UGT1A7: variants seen among roughly 807,000 people sequenced by gnomAD.
UGT1A7 encodes UDP-glucuronosyltransferase 1A7.
In UGT1A7, 33 loss-of-function variants were observed where a neutral mutation model predicts 45.6. The ratio of observed to expected loss-of-function variants is 0.72; its 90% CI spans 0.55 to 0.97. The LOEUF is 0.97. UGT1A7 is among the 50% of genes least tolerant of loss of function. The pLI is 0.00. For missense variants in UGT1A7, 684 were observed against 666.2 expected (o/e 1.03, Z -0.29); for synonymous variants, 274 against 250.6 (o/e 1.09, Z -0.88).
chr2:233,685,959 A>G (rs1156258661), intron 1 of UGT1A7, among the ~76,000 whole-genome samples: 2 of 152,198 alleles, frequency 1.3e-5, no homozygotes, highest in Non-Finnish European at 2.9e-5. Flanking sequence ...TATGTAGATC[A>G]ATGGAATAGA....
chr2:233,743,424 A>G, intron 1 of UGT1A7: 2 of 1,346,302 alleles, frequency 1.5e-6, no homozygotes, highest in South Asian at 2.3e-5. Context: ...CCAGGGAGCC[A>G]AAGGAACGAA....
At chr2:233,720,101 A>G (rs12468356) in intron 1 of UGT1A7, among the ~76,000 whole-genome samples, 12,183 of 152,260 alleles carry the variant, frequency 0.08, 621 homozygotes, top group East Asian at 0.2. Flanking sequence ...TAGTGGTCCC[A>G]TCTTGCGAAA....
chr2:233,747,722 GT>G (rs574078556), intron 1 of UGT1A7: 15 of 1,612,642 alleles, frequency 9.3e-6, no homozygotes, highest in Middle Eastern at 1.6e-4. Context: ...TTCCTGCTGT[GT>G]TTTTTTTGAG....
rs117456176 is a variant in UGT1A7 at position 233,727,764 on chromosome 2, G to C, written c.856-39270G>C. On this transcript the variant is annotated intron_variant, in intron 1 of 4. Transcript: ENST00000373426. Reference sequence around the variant, plus strand: ...CCTGCGTGTGCTGCCCTTGAGCTGGGTGTCCCCCAGTAGACGCTTCCATTC... The same window carrying C: ...CCTGCGTGTGCTGCCCTTGAGCTGGCTGTCCCCCAGTAGACGCTTCCATTC... 6.8e-4 allele frequency among the ~76,000 whole-genome samples: 104 copies of C among 152,302 alleles called. No individual in the cohort carries two copies. The East Asian group carries it at 0.02, about 29-fold the overall frequency.
chr2:233,713,981 G>T (rs2076360150), intron 1 of UGT1A7: 1 of 1,588,484 alleles, frequency 6.3e-7, no homozygotes, highest in Non-Finnish European at 8.6e-7. Context: ...GCTTCTCATT[G>T]TTGTAATAGT....
At chr2:233,687,452 A>G (rs1350677086) in intron 1 of UGT1A7, among the ~76,000 whole-genome samples, 1 of 152,242 alleles carries the variant, frequency 6.6e-6, no homozygotes, top group African/African-American at 2.4e-5. Context: ...AAGTATTTAC[A>G]TGGAAGCTGG....
chr2:233,765,887 T>G (rs1279202147), intron 1 of UGT1A7, among the ~76,000 whole-genome samples: 1 of 152,030 alleles, frequency 6.6e-6, no homozygotes, highest in African/African-American at 2.4e-5. Flanking sequence ...ACTTTCTCAG[T>G]GCGCCACTGC....
chr2:233,755,424 C>T (rs976220166), intron 1 of UGT1A7: 1 of 319,328 alleles, frequency 3.1e-6, no homozygotes, highest in East Asian at 8.3e-5. Flanking sequence ...GTGAGCGCCT[C>T]GCATCCCAAG....
chr2:233,748,089 C>T (rs17863798), intron 1 of UGT1A7: 111,177 of 1,612,822 alleles, frequency 0.069, 5,243 homozygotes, highest in South Asian at 0.18. Context: ...GGTCGGTGTT[C>T]GTGCCTTCAT....
Position 233,687,551 on chromosome 2 carries a change from G to C in UGT1A7, c.855+4759G>C, listed in dbSNP as rs530582048. Among the ~76,000 whole-genome samples, 10 of 149,232 alleles carry C rather than the reference G, an allele frequency of 6.7e-5. No homozygotes were observed. The South Asian group carries it at 2.2e-3, about 32-fold the overall frequency. On this transcript the variant is annotated intron_variant, in intron 1 of 4. Transcript: ENST00000373426. ...CCAAGGTTATGCCTCAAGTAAGTGGGGGAGCCAGAATTCAAGACCATACAT... is the reference window on the plus strand; with the variant it reads ...CCAAGGTTATGCCTCAAGTAAGTGGCGGAGCCAGAATTCAAGACCATACAT...
At chr2:233,719,072 G>C (rs148007151) in intron 1 of UGT1A7, 2 of 1,614,284 alleles carry the variant, frequency 1.2e-6, no homozygotes, top group African/African-American at 2.7e-5. Flanking sequence ...CTGTTCCATG[G>C]ACCCAGAAGG....
intron 1 of UGT1A7, among the ~76,000 whole-genome samples, chr2:233,765,804 G>T (rs1575814743): frequency 6.6e-6 from 1 of 152,060 alleles, no homozygotes. Flanking sequence ...AGTGAGAAAA[G>T]AATTGCCATG....
intron 1 of UGT1A7, chr2:233,755,187 A>G: frequency 1.6e-5 from 19 of 1,182,426 alleles, no homozygotes; most frequent in Non-Finnish European, 2.1e-5. Flanking sequence ...GTGCCACTTG[A>G]GCGCCAGCTT....
At chr2:233,724,520 T>A (rs200973045) in intron 1 of UGT1A7, among the ~76,000 whole-genome samples, 1 of 103,540 alleles carries the variant, frequency 9.7e-6, no homozygotes, top group African/African-American at 4.1e-5. Flanking sequence ...ACCTCCCAGA[T>A]GGGGTCTCGC....
intron 1 of UGT1A7, among the ~76,000 whole-genome samples, chr2:233,710,407 T>G (rs143150461): frequency 6.6e-6 from 1 of 152,346 alleles, no homozygotes; most frequent in Admixed American, 6.5e-5. Context: ...CTGGCTGCTC[T>G]GTATTTGTGC....
intron 1 of UGT1A7, among the ~76,000 whole-genome samples, chr2:233,696,841 T>C (rs1401525260): frequency 1.3e-5 from 2 of 152,218 alleles, no homozygotes; most frequent in African/African-American, 2.4e-5. Flanking sequence ...TAAAGGGACG[T>C]TGAATTTTGT....
At chr2:233,706,052 G>A (rs1005743022) in intron 1 of UGT1A7, among the ~76,000 whole-genome samples, 4 of 152,128 alleles carry the variant, frequency 2.6e-5, no homozygotes, top group Admixed American at 1.3e-4. Flanking sequence ...CCGAGATCAC[G>A]CCACTGCATG....
At position 233,711,088 on chromosome 2, in the gene UGT1A7, A is replaced by G. The variant is rs145698870; in HGVS notation, c.855+28296A>G. ...CACTTATGCTGATGGCTCCAAGTCTATCTGTGCAGCCCAGACCCCTCCTCA... is the reference window on the plus strand; with the variant it reads ...CACTTATGCTGATGGCTCCAAGTCTGTCTGTGCAGCCCAGACCCCTCCTCA... On this transcript the variant is annotated intron_variant, in intron 1 of 4. Coordinates refer to ENST00000373426, the MANE Select transcript of UGT1A7 (RefSeq NM_019077.3). Among the ~76,000 whole-genome samples, 1,153 of 152,228 alleles carry G rather than the reference A, an allele frequency of 7.6e-3. 11 individuals carry two copies. The highest frequency in any genetic ancestry group is 0.025 in the African/African-American group (1,043 of 41,536).
intron 1 of UGT1A7, chr2:233,753,536 C>G (rs1575719144): frequency 6.6e-6 from 1 of 152,188 alleles, no homozygotes. Flanking sequence ...CTCATGCAAA[C>G]TTTTCCTCAG....
Sources: gnomAD v4.1 joint callset for allele counts (sites outside exome capture counted in the v4.1 genomes callset) on GRCh38, gnomAD v4.1.1 for gene constraint, MANE v1.5 for transcripts, NCBI Gene and HGNC (gene_info 2026-07-23, HGNC 2026-07-21) for gene names.